Variants in GAB2 observed in about 807,000 individuals in gnomAD.
GAB2 encodes the protein GRB2 associated binding protein 2, also known as GRB2-associated-binding protein 2.
GAB2 carries 26 observed loss-of-function variants against 65.5 expected under a neutral mutation model. The observed-to-expected ratio is 0.40, with a 90% confidence interval of 0.29 to 0.55. The LOEUF (loss-of-function observed/expected upper bound fraction) is 0.55. Ranked by LOEUF, GAB2 falls within the 20% of genes least tolerant of loss-of-function variation. The probability of loss-of-function intolerance (pLI) is 0.53; values close to 1 mark genes in which losing one functional copy is unlikely to be tolerated. For synonymous variants in GAB2, 321 were observed against 329.6 expected (o/e 0.97, Z 0.28); for missense variants, 884 against 875.8 (o/e 1.01, Z -0.12).
chr11:78,320,878 G>C (rs924826446), intron 1 of GAB2, among the ~76,000 whole-genome samples: 8 of 151,978 alleles, frequency 5.3e-5, no homozygotes, highest in African/African-American at 1.9e-4. Flanking sequence ...GTCTCAACTG[G>C]GAGATATTAT....
intron 1 of GAB2, among the ~76,000 whole-genome samples, chr11:78,321,953 C>T (rs1199826229): frequency 6.6e-6 from 1 of 151,154 alleles, no homozygotes; most frequent in African/African-American, 2.4e-5. Context: ...AAGAATCAAA[C>T]TGGACTCCTA....
rs868139575 is a variant in GAB2 at position 78,346,724 on chromosome 11, T to A, written c.76-65823A>T. The stretch of plus-strand genomic sequence containing the variant: ...ATATATATATATATATATATATAAT[T>A]TTTTTTTTTTTTAGGAAAAGAAACA... On this transcript the variant is annotated intron_variant, in intron 1 of 9. Transcript: ENST00000361507. Among the ~76,000 whole-genome samples the A allele has an allele frequency of 3.0e-4, 35 of 114,918 alleles. 1 individual carries two copies. The highest frequency in any genetic ancestry group is 2.3e-3 in the East Asian group (10 of 4,416). The allele number at this position is 114,918 out of a possible 152,430, so 75.4% of individuals were successfully genotyped here. A position where few individuals can be genotyped will look rare whatever the true frequency, so the allele number is the denominator to read the frequency against.
chr11:78,323,413 G>C (rs1240245102), intron 1 of GAB2, among the ~76,000 whole-genome samples: 3 of 152,008 alleles, frequency 2.0e-5, no homozygotes, highest in Non-Finnish European at 4.4e-5. Flanking sequence ...GAGAGGCTGG[G>C]GCAGGAGAAT....
At chr11:78,312,672 A>G (rs1855525752) in intron 1 of GAB2, among the ~76,000 whole-genome samples, 1 of 152,108 alleles carries the variant, frequency 6.6e-6, no homozygotes, top group African/African-American at 2.4e-5. Context: ...CAGGCGATCC[A>G]ACTGCCTCAG....
chr11:78,261,015 G>C (rs1201040237), intron 2 of GAB2, among the ~76,000 whole-genome samples: 1 of 152,118 alleles, frequency 6.6e-6, no homozygotes, highest in Admixed American at 6.5e-5. Flanking sequence ...TTCAAGACCA[G>C]CCTGGGCAAC....
intron 1 of GAB2, among the ~76,000 whole-genome samples, chr11:78,403,755 A>C (rs1857004451): frequency 6.6e-6 from 1 of 152,252 alleles, no homozygotes; most frequent in African/African-American, 2.4e-5. Flanking sequence ...ATCAAGCTTA[A>C]AAGCTTTGAC....
intron 1 of GAB2, among the ~76,000 whole-genome samples, chr11:78,402,413 T>C (rs924530022): frequency 6.6e-6 from 1 of 152,170 alleles, no homozygotes; most frequent in Non-Finnish European, 1.5e-5. Context: ...TAAATACATT[T>C]TCATTTTTGT....
At chr11:78,371,179 A>G (rs989646206) in intron 1 of GAB2, among the ~76,000 whole-genome samples, 1 of 152,240 alleles carries the variant, frequency 6.6e-6, no homozygotes, top group African/African-American at 2.4e-5. Flanking sequence ...TGAGTCTCAC[A>G]CAACGCATAC....
intron 1 of GAB2, among the ~76,000 whole-genome samples, chr11:78,365,105 T>C (rs946206025): frequency 2.6e-5 from 4 of 152,194 alleles, no homozygotes; most frequent in African/African-American, 7.2e-5. Flanking sequence ...AGCAACTTAA[T>C]GATCTGAGGT....
chr11:78,303,155 A>G (rs1482792098), intron 1 of GAB2, among the ~76,000 whole-genome samples: 1 of 152,198 alleles, frequency 6.6e-6, no homozygotes, highest in Non-Finnish European at 1.5e-5. Flanking sequence ...GAACTTACTC[A>G]TGTAACCAAA....
rs1300189480 is a variant in GAB2, at chr11:78,370,543, C to CA, written c.75+47102dup. On this transcript the variant is annotated intron_variant, in intron 1 of 9. Transcript: ENST00000361507. Reference sequence around the variant, plus strand: ...ACCTGTTTATCATGTGTTGCAATCTCAGAGCAGAGAGTGGGGAAAGACTGG... The same window carrying CA: ...ACCTGTTTATCATGTGTTGCAATCTCAAGAGCAGAGAGTGGGGAAAGACTGG... 3.9e-5 allele frequency among the ~76,000 whole-genome samples: 6 copies of CA among 152,172 alleles called. No individual in the cohort carries two copies. In the East Asian group the frequency reaches 1.2e-3, roughly 29 times the overall value.
Position 78,288,806 on chromosome 11 carries a change from A to G in GAB2, c.76-7905T>C, listed in dbSNP as rs191243595. 1.8e-3 allele frequency among the ~76,000 whole-genome samples: 267 copies of G among 152,378 alleles called. 2 individuals are homozygous for G. Among genetic ancestry groups the G allele is most frequent in the Middle Eastern group, 6.8e-3 (2 of 294 alleles). ...ATCAAAATCCCACAAGAATGTCTGT[A>G]GATGTACGTAAGATTGTTCTAAAAT... On this transcript the variant is annotated intron_variant, in intron 1 of 9. Coordinates refer to ENST00000361507, the MANE Select transcript of GAB2 (RefSeq NM_080491.3).
chr11:78,305,559 G>A (rs1469369400), intron 1 of GAB2, among the ~76,000 whole-genome samples: 1 of 152,164 alleles, frequency 6.6e-6, no homozygotes, highest in African/African-American at 2.4e-5. Flanking sequence ...GTTCAGAGTT[G>A]CCTCTTTGTG....
intron 2 of GAB2, among the ~76,000 whole-genome samples, chr11:78,265,621 T>C (rs748198570): frequency 1.6e-4 from 25 of 152,292 alleles, no homozygotes; most frequent in Admixed American, 9.2e-4. Flanking sequence ...TAAAATAAAC[T>C]TCAGGTCTTT....
intron 2 of GAB2, among the ~76,000 whole-genome samples, chr11:78,251,317 C>G (rs1299383080): frequency 1.3e-5 from 2 of 152,306 alleles, no homozygotes; most frequent in East Asian, 3.9e-4. Context: ...CTCCTAAGAC[C>G]TCCAAGGACA....
chr11:78,292,883 T>C (rs1866718991), intron 1 of GAB2, among the ~76,000 whole-genome samples: 1 of 152,146 alleles, frequency 6.6e-6, no homozygotes, highest in African/African-American at 2.4e-5. Context: ...GCAAGGTAAA[T>C]AGGATCCTCT....
intron 1 of GAB2, among the ~76,000 whole-genome samples, chr11:78,295,526 A>C (rs1866801468): frequency 6.6e-6 from 1 of 152,168 alleles, no homozygotes; most frequent in South Asian, 2.1e-4. Flanking sequence ...GAAATCCAGT[A>C]ATGCCAGGTC....
intron 1 of GAB2, among the ~76,000 whole-genome samples, chr11:78,299,879 T>C (rs1405891664): frequency 6.6e-6 from 1 of 152,220 alleles, no homozygotes; most frequent in Non-Finnish European, 1.5e-5. Flanking sequence ...TTTGTAAGAA[T>C]TCAGTATACA....
intron 1 of GAB2, among the ~76,000 whole-genome samples, chr11:78,329,690 T>C (rs749577752): frequency 6.6e-6 from 1 of 152,220 alleles, no homozygotes; most frequent in Non-Finnish European, 1.5e-5. Flanking sequence ...AGCATGATTT[T>C]ATGGAAGCAG....
Sources: gnomAD v4.1 joint callset for allele counts (sites outside exome capture counted in the v4.1 genomes callset) on GRCh38, gnomAD v4.1.1 for gene constraint, MANE v1.5 for transcripts, NCBI Gene and HGNC (gene_info 2026-07-23, HGNC 2026-07-21) for gene names.